The following GABRB2 variants were observed in gnomAD, a reference collection of about 807,000 sequenced individuals.
The protein encoded by GABRB2 is gamma-aminobutyric acid receptor subunit beta-2.
A neutral mutation model predicts 54.7 loss-of-function variants in GABRB2; 16 were observed. The ratio of observed to expected loss-of-function variants is 0.29; its 90% CI spans 0.20 to 0.44. The LOEUF (loss-of-function observed/expected upper bound fraction) is 0.44. Among genes scored for constraint, GABRB2 ranks in the 20% least tolerant of loss-of-function variants. The pLI is 1.00. For missense variants in GABRB2, 355 were observed against 644.0 expected (o/e 0.55, Z 4.86); for synonymous variants, 244 against 233.8 (o/e 1.04, Z -0.40).
chr5:161,411,768 C>T (rs1756522808), intron 4 of GABRB2, among the ~76,000 whole-genome samples: 1 of 151,784 alleles, frequency 6.6e-6, no homozygotes, highest in Non-Finnish European at 1.5e-5. Context: ...TTTTACTAAT[C>T]TTTCTATTGA....
At chr5:161,540,020 G>T (rs963869011) in intron 3 of GABRB2, among the ~76,000 whole-genome samples, 1 of 152,158 alleles carries the variant, frequency 6.6e-6, no homozygotes, top group African/African-American at 2.4e-5. Context: ...GTTGCTAAAC[G>T]CTGGCGTGGC....
intron 3 of GABRB2, among the ~76,000 whole-genome samples, chr5:161,539,896 T>C (rs1760759119): frequency 6.6e-6 from 1 of 152,240 alleles, no homozygotes; most frequent in Non-Finnish European, 1.5e-5. Flanking sequence ...AATTTTAAAA[T>C]ACTTTATTGC....
At position 161,456,325 on chromosome 5, in the gene GABRB2, G is replaced by A. The variant is rs548063433; in HGVS notation, c.458+3299C>T. Among the ~76,000 whole-genome samples, 20 of 152,320 alleles carry A rather than the reference G, an allele frequency of 1.3e-4. No individual in the cohort carries two copies. The South Asian group carries it at 4.1e-3, about 32-fold the overall frequency. ...AATTCCCTACTAAACTGGAACCAGT[G>A]TGAACCACAGGACCTAATAATGCAC... On this transcript the variant is annotated intron_variant, in intron 4 of 9. Coordinates refer to ENST00000393959, the MANE Select transcript of GABRB2 (RefSeq NM_001371727.1).
At chr5:161,405,040 T>A (rs1317660182) in intron 5 of GABRB2, among the ~76,000 whole-genome samples, 1 of 152,126 alleles carries the variant, frequency 6.6e-6, no homozygotes, top group Non-Finnish European at 1.5e-5. Flanking sequence ...CAGCCAAAAA[T>A]TGCCTTTTGG....
intron 4 of GABRB2, among the ~76,000 whole-genome samples, chr5:161,455,413 A>G (rs1757922195): frequency 6.6e-6 from 1 of 152,154 alleles, no homozygotes; most frequent in African/African-American, 2.4e-5. Flanking sequence ...TTCTGTACAC[A>G]CGAGAGATGG....
At position 161,433,742 on chromosome 5, in the gene GABRB2, T is replaced by G. The variant is rs185623214; in HGVS notation, c.459-22685A>C. Among the ~76,000 whole-genome samples, 26 of 152,320 alleles carry G rather than the reference T, an allele frequency of 1.7e-4. No individual in the cohort carries two copies. In the East Asian group the frequency reaches 5.0e-3, roughly 29 times the overall value. On this transcript the variant is annotated intron_variant, in intron 4 of 9. Coordinates refer to ENST00000393959, the MANE Select transcript of GABRB2 (RefSeq NM_001371727.1). Reference sequence around the variant, plus strand: ...AACATTCATTCAACTTTATTAAAATTGTCCCTAAAAATACATTATTAATTT... The same window carrying G: ...AACATTCATTCAACTTTATTAAAATGGTCCCTAAAAATACATTATTAATTT...
At chr5:161,372,776 T>C (rs1283164973) in intron 5 of GABRB2, among the ~76,000 whole-genome samples, 1 of 152,178 alleles carries the variant, frequency 6.6e-6, no homozygotes, top group Admixed American at 6.5e-5. Flanking sequence ...ATTCCCTTTT[T>C]TACAGATAAA....
At chr5:161,400,849 G>C (rs552353478) in intron 5 of GABRB2, among the ~76,000 whole-genome samples, 8 of 152,148 alleles carry the variant, frequency 5.3e-5, no homozygotes, top group Non-Finnish European at 1.2e-4. Context: ...TTAGTTACAA[G>C]TCAGCTTGTT....
chr5:161,427,660 G>A (rs75749027), intron 4 of GABRB2, among the ~76,000 whole-genome samples: 5 of 152,070 alleles, frequency 3.3e-5, no homozygotes, highest in Admixed American at 6.6e-5. Context: ...AAACTGTAGG[G>A]ACTGCTAAAT....
At chr5:161,395,172 G>C (rs1755956688) in intron 5 of GABRB2, among the ~76,000 whole-genome samples, 1 of 152,082 alleles carries the variant, frequency 6.6e-6, no homozygotes, top group African/African-American at 2.4e-5. Context: ...GATGCCAGCT[G>C]ATAGCTGGAG....
intron 4 of GABRB2, among the ~76,000 whole-genome samples, chr5:161,451,236 T>G (rs1757780427): frequency 6.6e-6 from 1 of 152,328 alleles, no homozygotes; most frequent in East Asian, 1.9e-4. Flanking sequence ...AATTACCTTC[T>G]GCTTCCTGCT....
At chr5:161,346,869 C>G (rs1754332278) in intron 5 of GABRB2, among the ~76,000 whole-genome samples, 1 of 151,896 alleles carries the variant, frequency 6.6e-6, no homozygotes, top group Admixed American at 6.6e-5. Context: ...AGAGATCATT[C>G]ATTCTTTAAA....
At chr5:161,521,495 A>C (rs1226406561) in intron 3 of GABRB2, among the ~76,000 whole-genome samples, 2 of 152,006 alleles carry the variant, frequency 1.3e-5, no homozygotes, top group East Asian at 3.8e-4. Context: ...GAAAGGAAGT[A>C]ATGAAGAAAG....
At chr5:161,539,642 G>C (rs1760752210) in intron 3 of GABRB2, among the ~76,000 whole-genome samples, 1 of 152,180 alleles carries the variant, frequency 6.6e-6, no homozygotes, top group South Asian at 2.1e-4. Context: ...AGCAGCTGGA[G>C]TGGACATTGG....
intron 4 of GABRB2, among the ~76,000 whole-genome samples, chr5:161,443,758 G>A (rs1757530661): frequency 6.6e-6 from 1 of 152,020 alleles, no homozygotes; most frequent in Non-Finnish European, 1.5e-5. Flanking sequence ...TCTCCTCCTT[G>A]GTAACTTCAT....
intron 4 of GABRB2, among the ~76,000 whole-genome samples, chr5:161,454,462 G>T (rs986729580): frequency 4.6e-5 from 7 of 151,992 alleles, no homozygotes; most frequent in Middle Eastern, 3.2e-3. Context: ...CAATGCACTT[G>T]CTCAGTCCCA....
rs552170508 is a variant in GABRB2, at chr5:161,439,240, C to T, written c.458+20384G>A. On this transcript the variant is annotated intron_variant, in intron 4 of 9. Transcript: ENST00000393959. ...AACCTTACAGGCCAAGAGACAGTGG[C>T]GTGACATATTTAAAGTGCTGAAAGA... Among the ~76,000 whole-genome samples, 38 of 152,204 alleles carry T rather than the reference C, an allele frequency of 2.5e-4. 1 individual carries two copies. The highest frequency in any genetic ancestry group is 7.9e-4 in the African/African-American group (33 of 41,546).
chr5:161,481,994 A>G (rs997826776), intron 3 of GABRB2, among the ~76,000 whole-genome samples: 1 of 151,982 alleles, frequency 6.6e-6, no homozygotes, highest in African/African-American at 2.4e-5. Flanking sequence ...AGAAGATAAA[A>G]TTGAAACCCT....
chr5:161,356,045 A>T (rs925402008), intron 5 of GABRB2, among the ~76,000 whole-genome samples: 1 of 152,100 alleles, frequency 6.6e-6, no homozygotes, highest in African/African-American at 2.4e-5. Context: ...TGGTTTTAGG[A>T]AATAAAAGGA....
Sources: allele counts gnomAD v4.1 joint callset (sites outside exome capture counted in the v4.1 genomes callset), GRCh38; gene constraint gnomAD v4.1.1; transcripts MANE v1.5; gene names NCBI Gene and HGNC (gene_info 2026-07-23, HGNC 2026-07-21).